Variants in ESRRG observed in about 807,000 individuals in gnomAD.
The protein encoded by ESRRG is estrogen related receptor gamma.
ESRRG carries 13 observed loss-of-function variants against 44.0 expected under a neutral mutation model. That is an observed-to-expected ratio of 0.30 (90% CI 0.19 to 0.47). The LOEUF (loss-of-function observed/expected upper bound fraction) is 0.47. ESRRG is among the 20% of genes least tolerant of loss of function. The probability of loss-of-function intolerance (pLI) is 1.00; values close to 1 mark genes in which losing one functional copy is unlikely to be tolerated. For synonymous variants in ESRRG, 215 were observed against 214.6 expected (o/e 1.00, Z -0.02); for missense variants, 395 against 580.6 (o/e 0.68, Z 3.29).
At chr1:216,573,814 TTAAA>T (rs1345769338) in intron 3 of ESRRG, among the ~76,000 whole-genome samples, 22 of 152,108 alleles carry the variant, frequency 1.4e-4, no homozygotes, top group Admixed American at 9.8e-4. Flanking sequence ...CAACACAAAG[TTAAA>T]TAGAGAATTC....
chr1:216,818,177 T>C (rs2095198838), intron 2 of ESRRG, among the ~76,000 whole-genome samples: 1 of 152,194 alleles, frequency 6.6e-6, no homozygotes, highest in East Asian at 1.9e-4. Context: ...GAAACAGCTT[T>C]TTGGGAAGAA....
chr1:216,939,708 C>A (rs1274656829), intron 1 of ESRRG: 5 of 80,402 alleles, frequency 6.2e-5, no homozygotes, highest in East Asian at 2.8e-4. Flanking sequence ...AGGATCCAAC[C>A]CAAAAAAGGA....
chr1:216,945,165 G>A (rs1479679367), intron 1 of ESRRG, among the ~76,000 whole-genome samples: 2 of 152,114 alleles, frequency 1.3e-5, no homozygotes, highest in East Asian at 1.9e-4. Context: ...AGCACCCTCT[G>A]CTCTCAACCA....
At chr1:216,763,891 A>G (rs892029472) in intron 2 of ESRRG, among the ~76,000 whole-genome samples, 3 of 152,192 alleles carry the variant, frequency 2.0e-5, no homozygotes, top group Non-Finnish European at 4.4e-5. Context: ...AAATATAAAA[A>G]CTTATGAGAA....
At chr1:216,837,322 A>G (rs1303279313) in intron 2 of ESRRG, among the ~76,000 whole-genome samples, 1 of 151,684 alleles carries the variant, frequency 6.6e-6, no homozygotes, top group Non-Finnish European at 1.5e-5. Context: ...GAGGCAGGAG[A>G]ATGGCGTGAA....
intron 3 of ESRRG, among the ~76,000 whole-genome samples, chr1:216,630,445 AACACACACACACACACAC>A (rs59403765): frequency 1.4e-5 from 2 of 146,388 alleles, no homozygotes; most frequent in African/African-American, 5.1e-5. Flanking sequence ...TGTGCGTGTG[AACACACACACACACACAC>A]ACACACACAC....
intron 2 of ESRRG, among the ~76,000 whole-genome samples, chr1:216,744,417 G>A (rs1464752677): frequency 6.6e-6 from 1 of 151,700 alleles, no homozygotes; most frequent in African/African-American, 2.4e-5. Context: ...TAACTCATTC[G>A]ATGTTTTAAT....
intron 1 of ESRRG, among the ~76,000 whole-genome samples, chr1:217,110,903 C>A (rs74141751): frequency 6.6e-6 from 1 of 152,270 alleles, no homozygotes; most frequent in African/African-American, 2.4e-5. Context: ...TGTGTCTTTT[C>A]GGTTTCCAAG....
chr1:216,540,883 A>G (rs1210375235), intron 5 of ESRRG, among the ~76,000 whole-genome samples: 1 of 151,992 alleles, frequency 6.6e-6, no homozygotes, highest in African/African-American at 2.4e-5. Context: ...TTATTTCTTT[A>G]AAAAAATCAG....
At chr1:216,914,023 C>T (rs537094618) in intron 2 of ESRRG, among the ~76,000 whole-genome samples, 18 of 152,090 alleles carry the variant, frequency 1.2e-4, no homozygotes, top group African/African-American at 2.9e-4. Flanking sequence ...TGGAAAGTAC[C>T]GGAAAAGTTC....
At chr1:216,933,210 A>G (rs1269020944) in intron 2 of ESRRG, among the ~76,000 whole-genome samples, 1 of 152,142 alleles carries the variant, frequency 6.6e-6, no homozygotes, top group Non-Finnish European at 1.5e-5. Context: ...TTCTATATTG[A>G]CAATATATGC....
At chr1:216,593,042 C>T (rs960255496) in intron 3 of ESRRG, among the ~76,000 whole-genome samples, 1 of 152,064 alleles carries the variant, frequency 6.6e-6, no homozygotes, top group African/African-American at 2.4e-5. Flanking sequence ...AGCTGTCTTC[C>T]CTACATACAG....
chr1:217,106,837 C>T (rs2092603383), intron 1 of ESRRG, among the ~76,000 whole-genome samples: 1 of 152,180 alleles, frequency 6.6e-6, no homozygotes. Context: ...AAGTGAGCAT[C>T]GCCGTAAAAA....
intron 1 of ESRRG, among the ~76,000 whole-genome samples, chr1:217,112,174 T>A (rs1253154576): frequency 1.3e-5 from 2 of 152,174 alleles, no homozygotes; most frequent in African/African-American, 4.8e-5. Context: ...CTTCCCAAAT[T>A]TCTGATCCAC....
At chr1:216,856,352 AACACACACACAC>A (rs5780935) in intron 2 of ESRRG, among the ~76,000 whole-genome samples, 97 of 141,978 alleles carry the variant, frequency 6.8e-4, no homozygotes, top group Non-Finnish European at 5.3e-4. Flanking sequence ...TTCTCTCTTC[AACACACACACAC>A]ACACACACAC....
At chr1:216,991,925 C>T (rs2075772540) in intron 1 of ESRRG, among the ~76,000 whole-genome samples, 1 of 152,156 alleles carries the variant, frequency 6.6e-6, no homozygotes, top group South Asian at 2.1e-4. Context: ...AATCACTTTG[C>T]CCAAGTTCCA....
At chr1:216,733,713 G>T (rs1483593887) in intron 2 of ESRRG, among the ~76,000 whole-genome samples, 1 of 152,024 alleles carries the variant, frequency 6.6e-6, no homozygotes, top group Non-Finnish European at 1.5e-5. Flanking sequence ...CTCTCAGTCT[G>T]GGCGCAGTGG....
chr1:216,807,584 A>C (rs1198074842), intron 2 of ESRRG, among the ~76,000 whole-genome samples: 1 of 152,126 alleles, frequency 6.6e-6, no homozygotes, highest in African/African-American at 2.4e-5. Flanking sequence ...TTGGTAATGC[A>C]GGGTAAAGAA....
intron 3 of ESRRG, among the ~76,000 whole-genome samples, chr1:216,574,756 CTG>C (rs1252026397): frequency 6.6e-6 from 1 of 152,004 alleles, no homozygotes; most frequent in African/African-American, 2.4e-5. Flanking sequence ...AAGCAAACTG[CTG>C]TGTTAAATAA....
Sources: gnomAD v4.1 joint callset for allele counts (sites outside exome capture counted in the v4.1 genomes callset) on GRCh38, gnomAD v4.1.1 for gene constraint, MANE v1.5 for transcripts, NCBI Gene and HGNC (gene_info 2026-07-23, HGNC 2026-07-21) for gene names.